The following XIRP2 variants were observed in gnomAD, a reference collection of about 807,000 sequenced individuals.
XIRP2 encodes the protein xin actin binding repeat containing 2.
A neutral mutation model predicts 277.0 loss-of-function variants in XIRP2; 236 were observed. The ratio of observed to expected loss-of-function variants is 0.85; its 90% CI spans 0.77 to 0.95. The LOEUF (loss-of-function observed/expected upper bound fraction) is 0.95, where lower values mean the gene tolerates loss of function less well. XIRP2 is among the 40% of genes least tolerant of loss of function. The pLI, the probability that XIRP2 is intolerant of heterozygous loss-of-function variation, is 0.00. For synonymous variants in XIRP2, 1,490 were observed against 1,416.5 expected (o/e 1.05, Z -1.17); for missense variants, 4,640 against 4,157.5 (o/e 1.12, Z -3.19).
intron 3 of XIRP2, among the ~76,000 whole-genome samples, chr2:167,177,743 A>G (rs1402203603): frequency 6.6e-6 from 1 of 152,170 alleles, no homozygotes; most frequent in Non-Finnish European, 1.5e-5. Flanking sequence ...ACTCTCGTAT[A>G]CCAGTGGTAG....
Position 166,903,652 on chromosome 2 carries a change from T to C in XIRP2, c.170T>C (p.Leu57Ser). Reference sequence around the variant, plus strand: ...GAGGTAGTATCAGCACCTCAATCTTTGGATCCCACAAGTCTGCCCTACAGT... The same window carrying C: ...GAGGTAGTATCAGCACCTCAATCTTCGGATCCCACAAGTCTGCCCTACAGT... The part of the protein sequence containing the change: ...EGEVVSAPQS[L>S]DPTSLPYSTG... The change falls in exon 2 of 11, where the codon TTG becomes TCG. Residue 57 changes from leucine to serine, a missense_variant. Transcript: ENST00000409195. 5 of 1,613,652 alleles carry C rather than the reference T, an allele frequency of 3.1e-6. No homozygotes were observed. The highest frequency in any genetic ancestry group is 4.2e-6 in the Non-Finnish European group (5 of 1,179,776).
intron 3 of XIRP2, among the ~76,000 whole-genome samples, chr2:167,170,114 C>A (rs1300638114): frequency 6.6e-6 from 1 of 152,022 alleles, no homozygotes; most frequent in Non-Finnish European, 1.5e-5. Flanking sequence ...GTATTGAATG[C>A]TGCCAAGTAC....
chr2:167,165,415 T>C (rs7570780), intron 3 of XIRP2, among the ~76,000 whole-genome samples: 15,059 of 152,242 alleles, frequency 0.099, 800 homozygotes, highest in South Asian at 0.16. Flanking sequence ...TTATAAGAAA[T>C]CACTAAGCAG....
At chr2:167,144,562 GCA>G (rs1308664737) in intron 3 of XIRP2, among the ~76,000 whole-genome samples, 2 of 151,736 alleles carry the variant, frequency 1.3e-5, no homozygotes, top group Admixed American at 1.3e-4. Flanking sequence ...TAATATTTCA[GCA>G]CTTAACATTC....
chr2:166,908,610 T>C (rs1017355939), intron 2 of XIRP2, among the ~76,000 whole-genome samples: 8 of 152,196 alleles, frequency 5.3e-5, no homozygotes, highest in African/African-American at 1.2e-4. Context: ...GCAGAAGCTC[T>C]TTAGTTTAAT....
chr2:167,033,936 T>C (rs937199552), intron 2 of XIRP2, among the ~76,000 whole-genome samples: 2 of 152,120 alleles, frequency 1.3e-5, no homozygotes, highest in African/African-American at 4.8e-5. Context: ...TAGCTGAAGG[T>C]TGAAAACACA....
Position 167,084,283 on chromosome 2 carries a change from G to A in XIRP2, c.409-51626G>A, listed in dbSNP as rs1229646812. 5.9e-5 allele frequency among the ~76,000 whole-genome samples: 9 copies of A among 152,176 alleles called. 1 individual carries two copies. Among genetic ancestry groups the A allele is most frequent in the Admixed American group, 5.9e-4 (9 of 15,266 alleles). On this transcript the variant is annotated intron_variant, in intron 2 of 10. Coordinates refer to ENST00000409195, the MANE Select transcript of XIRP2 (RefSeq NM_152381.6). ...TATTGAACCAGCCTTGCATCCTAGG[G>A]ATGAAGCCCACTTGATCATGGTGGA...
intron 2 of XIRP2, among the ~76,000 whole-genome samples, chr2:167,084,124 T>G (rs1198802524): frequency 1.3e-5 from 2 of 152,216 alleles, no homozygotes; most frequent in Non-Finnish European, 2.9e-5. Flanking sequence ...CATCAATACC[T>G]AATTTATTGA....
intron 5 of XIRP2, among the ~76,000 whole-genome samples, chr2:167,235,728 AG>A (rs939533656): frequency 2.0e-5 from 3 of 151,988 alleles, no homozygotes; most frequent in African/African-American, 7.2e-5. Context: ...AGTCTTTAAG[AG>A]GGTATAATGA....
intron 2 of XIRP2, among the ~76,000 whole-genome samples, chr2:166,961,310 T>C (rs1198164075): frequency 7.2e-5 from 11 of 151,742 alleles, no homozygotes; most frequent in Admixed American, 7.2e-4. Context: ...TTCAGCAGAA[T>C]GTCATCAAAT....
At chr2:167,005,486 A>G (rs1313945616) in intron 2 of XIRP2, among the ~76,000 whole-genome samples, 3 of 151,848 alleles carry the variant, frequency 2.0e-5, no homozygotes, top group Non-Finnish European at 4.4e-5. Context: ...GGGTGCTGAA[A>G]ATGTTGAGAA....
chr2:166,952,067 A>G (rs1359842905), intron 2 of XIRP2, among the ~76,000 whole-genome samples: 1 of 152,026 alleles, frequency 6.6e-6, no homozygotes, highest in Non-Finnish European at 1.5e-5. Context: ...GTGTGAATTA[A>G]ATGAGTCAAT....
At chr2:166,928,799 G>C (rs1019771497) in intron 2 of XIRP2, among the ~76,000 whole-genome samples, 1 of 152,022 alleles carries the variant, frequency 6.6e-6, no homozygotes, top group African/African-American at 2.4e-5. Context: ...CATGGGGAAA[G>C]ACTGTCAAAA....
intron 3 of XIRP2, among the ~76,000 whole-genome samples, chr2:167,149,389 A>G (rs1691949029): frequency 6.6e-6 from 1 of 152,188 alleles, no homozygotes; most frequent in African/African-American, 2.4e-5. Context: ...AACATAAGAA[A>G]CAAGACTATA....
At position 167,258,834 on chromosome 2, in the gene XIRP2, G is replaced by A; in HGVS notation, c.*1017G>A. On this transcript the variant is annotated 3_prime_UTR_variant, in exon 11 of 11. Coordinates refer to ENST00000409195, the MANE Select transcript of XIRP2 (RefSeq NM_152381.6). Reference sequence around the variant, plus strand: ...ACATCTAGAATCTCAGAGTTACTTGGTATATTTGAATCTGAAAAGACTTAT... The same window carrying A: ...ACATCTAGAATCTCAGAGTTACTTGATATATTTGAATCTGAAAAGACTTAT... The A allele has an allele frequency of 1.2e-6, 2 of 1,613,026 alleles. No individual in the cohort carries two copies. Among genetic ancestry groups the A allele is most frequent in the East Asian group, 2.2e-5 (1 of 44,816 alleles).
chr2:166,919,831 G>C (rs11885003), intron 2 of XIRP2, among the ~76,000 whole-genome samples: 45,361 of 151,870 alleles, frequency 0.3, 7,244 homozygotes, highest in East Asian at 0.44. Context: ...CATGGAAGCA[G>C]ACACAGACAC....
chr2:167,004,015 A>G (rs895621849), intron 2 of XIRP2, among the ~76,000 whole-genome samples: 1 of 151,930 alleles, frequency 6.6e-6, no homozygotes, highest in Non-Finnish European at 1.5e-5. Context: ...GCAGGAAATA[A>G]TTTCATTGTC....
intron 3 of XIRP2, among the ~76,000 whole-genome samples, chr2:167,199,682 C>T (rs953846433): frequency 1.3e-5 from 2 of 152,192 alleles, no homozygotes; most frequent in African/African-American, 4.8e-5. Flanking sequence ...TTCTATTAAT[C>T]ATAGACTGAG....
At chr2:167,030,217 G>A (rs1021387032) in intron 2 of XIRP2, among the ~76,000 whole-genome samples, 18 of 151,966 alleles carry the variant, frequency 1.2e-4, no homozygotes, top group African/African-American at 3.6e-4. Context: ...ATCTCATTCA[G>A]TTCTGCTCTG....
Sources: gnomAD v4.1 joint callset for allele counts (sites outside exome capture counted in the v4.1 genomes callset) on GRCh38, gnomAD v4.1.1 for gene constraint, MANE v1.5 for transcripts, NCBI Gene and HGNC (gene_info 2026-07-23, HGNC 2026-07-21) for gene names.